The following PPAT variants were observed in gnomAD, a reference collection of about 807,000 sequenced individuals.
PPAT encodes phosphoribosyl pyrophosphate amidotransferase.
Under a neutral mutation model 60.2 loss-of-function variants are expected in PPAT, and 20 were observed. That is an observed-to-expected ratio of 0.33 (90% CI 0.23 to 0.48). The LOEUF (loss-of-function observed/expected upper bound fraction) is 0.48. PPAT is among the 20% of genes least tolerant of loss of function. The pLI, the probability that PPAT is intolerant of heterozygous loss-of-function variation, is 0.99. For synonymous variants in PPAT, 194 were observed against 215.1 expected (o/e 0.90, Z 0.86); for missense variants, 349 against 629.6 (o/e 0.55, Z 4.77).
rs181417140 is a variant in PPAT, at chr4:56,412,445, A to C, written c.129-4729T>G. Among the ~76,000 whole-genome samples the C allele has an allele frequency of 6.7e-4, 102 of 152,172 alleles. 2 individuals carry two copies. In the East Asian group the frequency reaches 0.017, roughly 26 times the overall value. ...CAACTCAGCCTCCTGAATAGCTGGG[A>C]CTATGGGGTGTGAGCCACCATGCCT... is the stretch of plus-strand genomic sequence containing the variant. On this transcript the variant is annotated intron_variant, in intron 1 of 10. Coordinates refer to ENST00000264220, the MANE Select transcript of PPAT (RefSeq NM_002703.5).
In PPAT at chr4:56,398,506, T is replaced by G. The variant is rs1424312396; in HGVS notation, c.1236+673A>C. ...TTGTGTGTTTTTGACTTTTTTTTTT[T>G]TGAGATCACTTCGGCTCACTGCAAT... On this transcript the variant is annotated intron_variant, in intron 9 of 10. Transcript: ENST00000264220. Among the ~76,000 whole-genome samples the G allele has an allele frequency of 2.0e-5, 3 of 152,130 alleles. No individual in the cohort carries two copies. The East Asian group carries it at 5.8e-4, about 29-fold the overall frequency.
chr4:56,413,317 G>C (rs1252447693), intron 1 of PPAT, among the ~76,000 whole-genome samples: 1 of 152,070 alleles, frequency 6.6e-6, no homozygotes, highest in African/African-American at 2.4e-5. Flanking sequence ...ACCATGCCCA[G>C]CTAGTTTTTG....
chr4:56,410,256 A>C (rs1040353751), intron 1 of PPAT, among the ~76,000 whole-genome samples: 2 of 152,180 alleles, frequency 1.3e-5, no homozygotes, highest in African/African-American at 2.4e-5. Flanking sequence ...TACACAAAAA[A>C]CGGTTTTCTT....
rs1715977752 is a variant in PPAT at position 56,396,833 on chromosome 4, A to C, written c.1237-94T>G. On this transcript the variant is annotated intron_variant, in intron 9 of 10. Transcript: ENST00000264220. This position sits in a 1 kb window ranked among gnomAD's most constrained non-coding sequence, Gnocchi z 4.6. Reference sequence around the variant, plus strand: ...TACAAAATTGTTTTGCAGAATATTCAGTAACAACATATGGGTAATAAATTA... The same window carrying C: ...TACAAAATTGTTTTGCAGAATATTCCGTAACAACATATGGGTAATAAATTA... The C allele has an allele frequency of 3.1e-6, 4 of 1,277,760 alleles. No homozygotes were observed. The highest frequency in any genetic ancestry group is 4.3e-6 in the Non-Finnish European group (4 of 931,830). 79.2% of individuals were successfully genotyped at this position (1,277,760 alleles called of 1,614,324 possible).
rs1207160039 is a variant in PPAT, at chr4:56,417,835, G to GTTTTTTTTTTTTTTTTTT, written c.129-10120_129-10119insAAAAAAAAAAAAAAAAAA. On this transcript the variant is annotated intron_variant, in intron 1 of 10. Transcript: ENST00000264220. ...ATCTTCGGTATAATTTGAAGATTTG[G>GTTTTTTTTTTTTTTTTTT]TTTTTTGTTTTTTTTTTTTTTTTTG... Among the ~76,000 whole-genome samples the GTTTTTTTTTTTTTTTTTT allele has an allele frequency of 1.5e-3, 154 of 102,454 alleles. 4 individuals carry two copies. The highest frequency in any genetic ancestry group is 5.2e-3 in the African/African-American group (150 of 28,652). The allele number at this position is 102,454 out of a possible 152,430, so 67.2% of individuals were successfully genotyped here.
At chr4:56,435,204 C>G in intron 1 of PPAT, 146 bp downstream of exon 1, 2 of 1,227,782 alleles carry the variant, frequency 1.6e-6, no homozygotes, top group Non-Finnish European at 1.1e-6. Context: ...GCCTAGGCAA[C>G]CCGGTCGACG....
At chr4:56,397,124 T>A (rs947478138) in intron 9 of PPAT, among the ~76,000 whole-genome samples, 1 of 145,364 alleles carries the variant, frequency 6.9e-6, no homozygotes, top group African/African-American at 2.5e-5. Flanking sequence ...TCAGGTACGT[T>A]TACATGGCTA....
chr4:56,414,641 T>C (rs1357602228), intron 1 of PPAT, among the ~76,000 whole-genome samples: 6 of 152,166 alleles, frequency 3.9e-5, no homozygotes, highest in South Asian at 2.1e-4. Context: ...TCTGAAGAGG[T>C]TGGAGAGAGA....
chr4:56,432,779 C>G (rs1475667926), intron 1 of PPAT, among the ~76,000 whole-genome samples: 1 of 119,610 alleles, frequency 8.4e-6, no homozygotes, highest in Non-Finnish European at 1.7e-5. Flanking sequence ...GACAGCGAGA[C>G]TCTGTCTCAA....
chr4:56,427,463 C>T (rs747386431), intron 1 of PPAT, among the ~76,000 whole-genome samples: 33 of 152,018 alleles, frequency 2.2e-4, no homozygotes, highest in Non-Finnish European at 3.7e-4. Context: ...ATTTCTATCA[C>T]CATCTTTTAA....
At chr4:56,434,254 T>C (rs1242833103) in intron 1 of PPAT, among the ~76,000 whole-genome samples, 1 of 152,156 alleles carries the variant, frequency 6.6e-6, no homozygotes, top group Non-Finnish European at 1.5e-5. Flanking sequence ...CCTGGGACAA[T>C]GAAAACAGCA....
Position 56,435,595 on chromosome 4 carries a change from C to T in PPAT, c.-118G>A, listed in dbSNP as rs888967127. 6.5e-7 allele frequency: 1 copy of T among 1,547,984 alleles called. No individual in the cohort carries two copies. The highest frequency in any genetic ancestry group is 8.8e-7 in the Non-Finnish European group (1 of 1,141,714). On this transcript the variant is annotated 5_prime_UTR_variant, in exon 1 of 11. Transcript: ENST00000264220. ...CGCGCTCGCGACAGGCTCTTCCTTCCCGAGGGTGGCCCCAGCTACTGCGGC... is the reference window on the plus strand; with the variant it reads ...CGCGCTCGCGACAGGCTCTTCCTTCTCGAGGGTGGCCCCAGCTACTGCGGC...
chr4:56,418,527 G>A (rs1325038118), intron 1 of PPAT, among the ~76,000 whole-genome samples: 1 of 151,932 alleles, frequency 6.6e-6, no homozygotes, highest in South Asian at 2.1e-4. Context: ...GCCCTGTTGG[G>A]AGGCTGGTCT....
chr4:56,414,266 G>A (rs1338096822), intron 1 of PPAT: 1 of 152,192 alleles, frequency 6.6e-6, no homozygotes, highest in African/African-American at 2.4e-5. Context: ...CGGAAGAAGG[G>A]AAGAAAACGA....
chr4:56,407,973 T>C (rs1716289583), intron 1 of PPAT: 1 of 359,920 alleles, frequency 2.8e-6, no homozygotes, highest in Non-Finnish European at 5.1e-6. Flanking sequence ...CATTTTACGT[T>C]GTAAAAATAA....
rs1252942145 is a variant in PPAT, at chr4:56,394,542, A to G, written c.*810T>C. On this transcript the variant is annotated 3_prime_UTR_variant, in exon 11 of 11. Transcript: ENST00000264220. ...TTATAGTATCAGGGCACTAAATACT[A>G]TGGATCACATTTTCTAGTCAAATGT... 1.3e-5 allele frequency: 2 copies of G among 152,198 alleles called. No homozygotes were observed. Among genetic ancestry groups the G allele is most frequent in the Non-Finnish European group, 2.9e-5 (2 of 68,024 alleles). 9.4% of individuals were successfully genotyped at this position (152,198 alleles called of 1,614,324 possible).
chr4:56,397,628 G>A (rs540811812), intron 9 of PPAT, among the ~76,000 whole-genome samples: 1 of 152,214 alleles, frequency 6.6e-6, no homozygotes, highest in South Asian at 2.1e-4. Flanking sequence ...ATGAGCTACT[G>A]AAATAGAATA....
At chr4:56,408,456 C>T (rs1371500384) in intron 1 of PPAT, 1 of 114,982 alleles carries the variant, frequency 8.7e-6, no homozygotes, top group Non-Finnish European at 1.8e-5. Context: ...AAAAAAAAGA[C>T]ATCAGAAACA....
In PPAT at chr4:56,435,471, G is replaced by C. The variant is rs1717856786; in HGVS notation, c.7C>G (p.Leu3Val). The C allele has an allele frequency of 6.2e-7, 1 of 1,613,370 alleles. No homozygotes were observed. The highest frequency in any genetic ancestry group is 1.3e-5 in the African/African-American group (1 of 74,904). The part of the protein sequence containing the change: ME[L>V]EELGIREECG... ...TCCTCTCGGATCCCCAACTCCTCCAGCTCCATGTCGCCGCCGAAAGCACGT... is the reference window on the plus strand; with the variant it reads ...TCCTCTCGGATCCCCAACTCCTCCACCTCCATGTCGCCGCCGAAAGCACGT... The change falls in exon 1 of 11, where the codon CTG (leucine) becomes GTG (valine). Residue 3 changes from leucine (L) to valine (V), a missense_variant. Around this residue, in one of 5 missense-constraint regions of PPAT, gnomAD observed 115 missense variants for 174.5 expected, o/e 0.66. Transcript: ENST00000264220.
Sources: gnomAD v4.1 joint callset for allele counts (sites outside exome capture counted in the v4.1 genomes callset) on GRCh38, gnomAD v4.1.1 for gene constraint, gnomAD v4.1.1 regional missense constraint, Gnocchi (gnomAD v3.1) non-coding constraint, MANE v1.5 for transcripts, NCBI Gene and HGNC (gene_info 2026-07-23, HGNC 2026-07-21) for gene names.